Variants in TNFRSF8 observed in about 807,000 individuals in gnomAD.
The protein encoded by TNFRSF8 is tumor necrosis factor receptor superfamily member 8.
In TNFRSF8, 26 loss-of-function variants were observed where a neutral mutation model predicts 70.8. The observed-to-expected ratio is 0.37, with a 90% CI of 0.27 to 0.51. The LOEUF (loss-of-function observed/expected upper bound fraction) is 0.51, where lower values mean the gene tolerates loss of function less well. Ranked by LOEUF, TNFRSF8 falls within the 20% of genes least tolerant of loss-of-function variation. TNFRSF8 has a pLI of 0.94. For synonymous variants in TNFRSF8, 356 were observed against 339.2 expected, an observed-to-expected ratio of 1.05 and a Z score of -0.54; for missense variants, 720 against 807.9, an observed-to-expected ratio of 0.89 and a Z score of 1.32.
intron 1 of TNFRSF8, among the ~76,000 whole-genome samples, chr1:12,069,419 G>GC (rs990504829): frequency 3.3e-5 from 5 of 150,442 alleles, no homozygotes; most frequent in Admixed American, 1.3e-4. Flanking sequence ...CCTCAGACGA[G>GC]CCCCCCCGCC....
rs192582597 is a variant in TNFRSF8 at position 12,088,015 on chromosome 1, G to A, written c.151+3464G>A. The stretch of plus-strand genomic sequence containing the variant: ...ACAAAAACCCCTTCTTTGATCTCTC[G>A]GGGAAATTTCTTGACATTTTGCCTG... On this transcript the variant is annotated intron_variant, in intron 2 of 14. Coordinates refer to ENST00000263932, the MANE Select transcript of TNFRSF8 (RefSeq NM_001243.5). The surrounding 1 kb of genome is among the most constrained non-coding windows in gnomAD (Gnocchi z 4.0). Among the ~76,000 whole-genome samples the A allele has an allele frequency of 1.5e-3, 235 of 152,196 alleles. No homozygotes were observed. Among genetic ancestry groups the A allele is most frequent in the African/African-American group, 5.3e-3 (220 of 41,522 alleles).
intron 10 of TNFRSF8, 37 bp from the exon 11 acceptor site, chr1:12,125,914 A>C (rs914314783): frequency 2.6e-6 from 4 of 1,566,278 alleles, no homozygotes; most frequent in East Asian, 2.2e-5. Flanking sequence ...GTGTGGTTGC[A>C]GCAAGGCAAA....
chr1:12,090,455 T>C (rs1641230489), intron 2 of TNFRSF8, among the ~76,000 whole-genome samples: 1 of 138,988 alleles, frequency 7.2e-6, no homozygotes, highest in Admixed American at 7.1e-5. Context: ...CATCCATCCA[T>C]CCACCCACCC....
Position 12,109,918 on chromosome 1 carries a change from C to A in TNFRSF8, c.513-123C>A. The A allele has an allele frequency of 2.4e-6, 3 of 1,250,230 alleles. No individual in the cohort carries two copies. Among genetic ancestry groups the A allele is most frequent in the Non-Finnish European group, 3.4e-6 (3 of 894,260 alleles). The allele number at this position is 1,250,230 out of a possible 1,614,324, so 77.4% of individuals were successfully genotyped here. A position where few individuals can be genotyped will look rare whatever the true frequency, so the allele number is the denominator to read the frequency against. ...CTTGCTCCCAGGAGCTTACAGTGGG[C>A]CCGCCAGAGGCAGTGGGCCAAGGGC... On this transcript the variant is annotated intron_variant, in intron 5 of 14. Coordinates refer to ENST00000263932, the MANE Select transcript of TNFRSF8 (RefSeq NM_001243.5). The surrounding 1 kb of genome is among the most constrained non-coding windows in gnomAD (Gnocchi z 4.4).
rs192210311 is a variant in TNFRSF8 at position 12,103,773 on chromosome 1, G to A, written c.269-606G>A. 2.8e-3 allele frequency among the ~76,000 whole-genome samples: 433 copies of A among 152,300 alleles called. 2 individuals are homozygous for A. Among genetic ancestry groups the A allele is most frequent in the African/African-American group, 9.9e-3 (413 of 41,552 alleles). On this transcript the variant is annotated intron_variant, in intron 3 of 14. Coordinates refer to ENST00000263932, the MANE Select transcript of TNFRSF8 (RefSeq NM_001243.5). ...CTCCCAAAGTGCTGGGATTAAAGGC[G>A]TGAGCCACTGCACCCAGCCTCCCCT... is the stretch of plus-strand genomic sequence containing the variant.
chr1:12,118,533 C>T (rs1025157729), intron 8 of TNFRSF8, among the ~76,000 whole-genome samples: 1 of 152,162 alleles, frequency 6.6e-6, no homozygotes, highest in African/African-American at 2.4e-5. Flanking sequence ...TTTGATAAAT[C>T]CAGGAATAGA....
intron 1 of TNFRSF8, among the ~76,000 whole-genome samples, chr1:12,070,215 G>A (rs1328268100): frequency 6.6e-6 from 1 of 152,026 alleles, no homozygotes; most frequent in Non-Finnish European, 1.5e-5. Flanking sequence ...TTGATCCAGG[G>A]GAGGGGTGAG....
At chr1:12,120,228 A>G (rs1641806040) in intron 8 of TNFRSF8, among the ~76,000 whole-genome samples, 1 of 152,230 alleles carries the variant, frequency 6.6e-6, no homozygotes, top group South Asian at 2.1e-4. Context: ...ACAGGAAGCC[A>G]TGGAATCTAG....
At chr1:12,105,575 A>T (rs55664403) in intron 4 of TNFRSF8, among the ~76,000 whole-genome samples, 46 of 133,744 alleles carry the variant, frequency 3.4e-4, no homozygotes, top group Middle Eastern at 3.5e-3. Context: ...TCTCTGTCTC[A>T]CACACACACA....
At position 12,132,442 on chromosome 1, in the gene TNFRSF8, G is replaced by A. The variant is rs189120460; in HGVS notation, c.1310-3146G>A. 3.0e-4 allele frequency among the ~76,000 whole-genome samples: 45 copies of A among 152,328 alleles called. No individual in the cohort carries two copies. The East Asian group carries it at 6.6e-3, about 22-fold the overall frequency. On this transcript the variant is annotated intron_variant, in intron 12 of 14. Transcript: ENST00000263932. ...TTTGAGTATTGATCAGGTGTTTTGC[G>A]GGACGCCTGTCTCCTGGGATCTGTC...
intron 4 of TNFRSF8, among the ~76,000 whole-genome samples, chr1:12,107,988 C>G (rs1641556394): frequency 6.6e-6 from 1 of 152,070 alleles, no homozygotes. Flanking sequence ...ATCACTCCAC[C>G]ATGCCACAGA....
chr1:12,135,387 G>A (rs1346406894), intron 12 of TNFRSF8, among the ~76,000 whole-genome samples: 1 of 151,116 alleles, frequency 6.6e-6, no homozygotes, highest in African/African-American at 2.4e-5. Flanking sequence ...ATCTGCCACT[G>A]GAGAAGTGAG....
intron 1 of TNFRSF8, among the ~76,000 whole-genome samples, chr1:12,082,557 A>AC (rs1244114675): frequency 2.0e-5 from 3 of 151,074 alleles, no homozygotes; most frequent in South Asian, 4.2e-4. Flanking sequence ...CTCAAAAAAA[A>AC]AAAAAACAAA....
intron 13 of TNFRSF8, among the ~76,000 whole-genome samples, chr1:12,137,031 G>A (rs1012652460): frequency 2.1e-4 from 32 of 151,906 alleles, no homozygotes; most frequent in African/African-American, 7.0e-4. Context: ...TAGGCAGAGG[G>A]CCCTGCCGCC....
At chr1:12,139,002 G>A (rs187065715) in intron 14 of TNFRSF8, among the ~76,000 whole-genome samples, 71 of 152,332 alleles carry the variant, frequency 4.7e-4, no homozygotes, top group Non-Finnish European at 5.0e-4. Flanking sequence ...AGAAGCAGGA[G>A]GACAGATGGG....
chr1:12,135,670 C>T, intron 13 of TNFRSF8, 57 bp downstream of exon 13: 1 of 1,605,084 alleles, frequency 6.2e-7, no homozygotes, highest in Non-Finnish European at 8.5e-7. Flanking sequence ...CTGACTCCTT[C>T]CCTAACAGAT....
intron 1 of TNFRSF8, among the ~76,000 whole-genome samples, chr1:12,075,386 G>A (rs562300265): frequency 6.6e-6 from 1 of 152,084 alleles, no homozygotes; most frequent in South Asian, 2.1e-4. Flanking sequence ...GCGCCTGTCC[G>A]TGTTCTGCCT....
In TNFRSF8 at chr1:12,120,160, C is replaced by T. The variant is rs185096934; in HGVS notation, c.947-3124C>T. Among the ~76,000 whole-genome samples the T allele has an allele frequency of 4.0e-3, 611 of 152,288 alleles. 4 individuals are homozygous for T. Among genetic ancestry groups the T allele is most frequent in the Non-Finnish European group, 3.1e-3 (213 of 68,016 alleles). The stretch of plus-strand genomic sequence containing the variant: ...GAAGGCTTTTCTTCCTATATCCTCT[C>T]CTAGGAAGATATTTGAAGATGTAAT... On this transcript the variant is annotated intron_variant, in intron 8 of 14. Coordinates refer to ENST00000263932, the MANE Select transcript of TNFRSF8 (RefSeq NM_001243.5).
chr1:12,133,180 G>T (rs549323751), intron 12 of TNFRSF8, among the ~76,000 whole-genome samples: 1 of 152,200 alleles, frequency 6.6e-6, no homozygotes, highest in Non-Finnish European at 1.5e-5. Context: ...TGGGTAAAGA[G>T]TGTGAGGTTT....
Sources: gnomAD v4.1 joint callset for allele counts (sites outside exome capture counted in the v4.1 genomes callset) on GRCh38, gnomAD v4.1.1 for gene constraint, Gnocchi (gnomAD v3.1) non-coding constraint, MANE v1.5 for transcripts, NCBI Gene and HGNC (gene_info 2026-07-23, HGNC 2026-07-21) for gene names.